Variants in DNER observed in about 807,000 individuals in gnomAD.
The protein encoded by DNER is delta/notch like EGF repeat containing.
Under a neutral mutation model 78.2 loss-of-function variants are expected in DNER, and 33 were observed. That is an observed-to-expected ratio of 0.42 (90% CI 0.32 to 0.56). DNER has a LOEUF of 0.56. DNER is among the 20% of genes least tolerant of loss of function. The probability of loss-of-function intolerance (pLI) is 0.11; values close to 1 mark genes in which losing one functional copy is unlikely to be tolerated. For missense variants in DNER, 918 were observed against 975.3 expected, an observed-to-expected ratio of 0.94 and a Z score of 0.78; for synonymous variants, 417 against 384.8, an observed-to-expected ratio of 1.08 and a Z score of -0.98.
In DNER at chr2:229,470,425, A is replaced by G. The variant is rs549546670; in HGVS notation, c.1261+6715T>C. ...CCATTTTCCCCAGTGCTAATGAAAA[A>G]AAGCAGGCAACTAAAATTCCTTGCT... On this transcript the variant is annotated intron_variant, in intron 7 of 12. Coordinates refer to ENST00000341772, the MANE Select transcript of DNER (RefSeq NM_139072.4). Among the ~76,000 whole-genome samples, 3 of 152,336 alleles carry G rather than the reference A, an allele frequency of 2.0e-5. No individual in the cohort carries two copies. In the South Asian group the frequency reaches 6.2e-4, roughly 32 times the overall value.
In DNER at chr2:229,410,904, G is replaced by A. The variant is rs550500765; in HGVS notation, c.1610-3559C>T. On this transcript the variant is annotated intron_variant, in intron 9 of 12. Coordinates refer to ENST00000341772, the MANE Select transcript of DNER (RefSeq NM_139072.4). ...CACTTAATATTTACTTTAAGACATCGTCTCATTTCATCCAAACTTACTTCC... is the reference window on the plus strand; with the variant it reads ...CACTTAATATTTACTTTAAGACATCATCTCATTTCATCCAAACTTACTTCC... 2.5e-4 allele frequency among the ~76,000 whole-genome samples: 38 copies of A among 152,268 alleles called. No homozygotes were observed. In the South Asian group the frequency reaches 5.6e-3, roughly 22 times the overall value.
intron 1 of DNER, among the ~76,000 whole-genome samples, chr2:229,667,038 G>A (rs1395168582): frequency 1.3e-5 from 2 of 152,242 alleles, no homozygotes. Context: ...GGCATCGCTG[G>A]GGAGAAGTGA....
chr2:229,693,840 G>A (rs1559211643), intron 1 of DNER, among the ~76,000 whole-genome samples: 1 of 152,238 alleles, frequency 6.6e-6, no homozygotes, highest in Non-Finnish European at 1.5e-5. Context: ...TTTCTAGGGA[G>A]ACATTCAAGC....
intron 1 of DNER, among the ~76,000 whole-genome samples, chr2:229,708,123 C>T (rs1253000887): frequency 6.6e-6 from 1 of 152,196 alleles, no homozygotes; most frequent in African/African-American, 2.4e-5. Flanking sequence ...GGGTGTGGAC[C>T]AGGAGTTTCC....
chr2:229,624,025 A>G (rs901616852), intron 1 of DNER, among the ~76,000 whole-genome samples: 1 of 152,230 alleles, frequency 6.6e-6, no homozygotes, highest in Admixed American at 6.5e-5. Context: ...GGACTTTAAA[A>G]GTCTTAAAAT....
At chr2:229,555,856 G>T (rs1696846263) in intron 4 of DNER, among the ~76,000 whole-genome samples, 1 of 151,326 alleles carries the variant, frequency 6.6e-6, no homozygotes, top group South Asian at 2.1e-4. Flanking sequence ...TAGAATGTTG[G>T]GATGCTACCA....
Position 229,614,218 on chromosome 2 carries a change from AAAAT to A in DNER, c.277-22334_277-22331del, listed in dbSNP as rs1163848492. Among the ~76,000 whole-genome samples, 10 of 151,790 alleles carry A rather than the reference AAAAT, an allele frequency of 6.6e-5. 1 individual carries two copies. Among genetic ancestry groups the A allele is most frequent in the African/African-American group, 2.2e-4 (9 of 41,416 alleles). On this transcript the variant is annotated intron_variant, in intron 1 of 12. Coordinates refer to ENST00000341772, the MANE Select transcript of DNER (RefSeq NM_139072.4). Reference sequence around the variant, plus strand: ...TAAAAAAATAATAATAATAAAATAAAAAATAAAAATAAATAAATTCCTAATCATG... The same window carrying A: ...TAAAAAAATAATAATAATAAAATAAAAAAAATAAATAAATTCCTAATCATG...
chr2:229,499,517 T>A (rs1695570239), intron 6 of DNER, among the ~76,000 whole-genome samples: 2 of 150,206 alleles, frequency 1.3e-5, no homozygotes, highest in Non-Finnish European at 3.0e-5. Context: ...GTGGGAAAAC[T>A]GGACATCCAC....
intron 1 of DNER, among the ~76,000 whole-genome samples, chr2:229,713,938 G>GC: frequency 6.6e-6 from 1 of 152,286 alleles, no homozygotes; most frequent in South Asian, 2.1e-4. Context: ...AGCCCGGCTG[G>GC]CCCCGCCCGG....
chr2:229,482,981 T>A (rs1294860267), intron 6 of DNER, among the ~76,000 whole-genome samples: 1 of 152,116 alleles, frequency 6.6e-6, no homozygotes, highest in East Asian at 1.9e-4. Flanking sequence ...AGCTACAACC[T>A]TAGTGGGAGT....
chr2:229,574,887 G>A (rs1029296751), intron 4 of DNER, among the ~76,000 whole-genome samples: 1 of 152,136 alleles, frequency 6.6e-6, no homozygotes, highest in African/African-American at 2.4e-5. Flanking sequence ...TACTTTCTTA[G>A]TTGAAATTTG....
chr2:229,420,577 C>T (rs544295189), intron 8 of DNER, among the ~76,000 whole-genome samples: 1 of 152,218 alleles, frequency 6.6e-6, no homozygotes, highest in South Asian at 2.1e-4. Context: ...AGCTTTTAGT[C>T]CATTTTGAGT....
At chr2:229,663,497 T>A (rs763096252) in intron 1 of DNER, among the ~76,000 whole-genome samples, 12 of 152,260 alleles carry the variant, frequency 7.9e-5, no homozygotes, top group Non-Finnish European at 1.6e-4. Context: ...CATACTTGTA[T>A]GCTGCACAGA....
intron 5 of DNER, among the ~76,000 whole-genome samples, chr2:229,544,620 C>T (rs958369491): frequency 3.3e-5 from 5 of 151,844 alleles, no homozygotes; most frequent in African/African-American, 4.8e-5. Flanking sequence ...GCAACCTCCG[C>T]CTTCTGGATT....
chr2:229,552,742 G>T (rs1696772559), intron 4 of DNER, among the ~76,000 whole-genome samples: 1 of 152,118 alleles, frequency 6.6e-6, no homozygotes. Flanking sequence ...GTATGTCTTT[G>T]TAGCGGTGTG....
chr2:229,589,216 C>A (rs1559175297), intron 2 of DNER, among the ~76,000 whole-genome samples: 1 of 152,112 alleles, frequency 6.6e-6, no homozygotes, highest in African/African-American at 2.4e-5. Context: ...ACTGTCCTCC[C>A]CCATGTCAAT....
intron 1 of DNER, among the ~76,000 whole-genome samples, chr2:229,699,539 A>G (rs1699710913): frequency 6.6e-6 from 1 of 151,984 alleles, no homozygotes. Flanking sequence ...TAATTTTTGT[A>G]TTTTTAGTAG....
In DNER at chr2:229,643,866, T is replaced by C. The variant is rs528195511; in HGVS notation, c.277-51978A>G. ...TCCCTTCATTTTGTGATTTTCTTTT[T>C]AATTTCTCAGAGTCAATTATCTTCT... On this transcript the variant is annotated intron_variant, in intron 1 of 12. Transcript: ENST00000341772. Among the ~76,000 whole-genome samples, 155 of 152,380 alleles carry C rather than the reference T, an allele frequency of 1.0e-3. 1 individual carries two copies. The highest frequency in any genetic ancestry group is 3.4e-3 in the Middle Eastern group (1 of 294).
chr2:229,439,172 G>A (rs571802228), intron 8 of DNER, among the ~76,000 whole-genome samples: 8 of 152,168 alleles, frequency 5.3e-5, no homozygotes, highest in African/African-American at 1.4e-4. Context: ...GCAAGCAGTC[G>A]CTTAACCCTG....
Sources: allele counts gnomAD v4.1 joint callset (sites outside exome capture counted in the v4.1 genomes callset), GRCh38; gene constraint gnomAD v4.1.1; transcripts MANE v1.5; gene names NCBI Gene and HGNC (gene_info 2026-07-23, HGNC 2026-07-21).